LILRB4: variants seen among roughly 807,000 people sequenced by gnomAD.
The protein encoded by LILRB4 is leukocyte immunoglobulin-like receptor subfamily B member 4.
A neutral mutation model predicts 55.2 loss-of-function variants in LILRB4; 49 were observed. The ratio of observed to expected loss-of-function variants is 0.89; its 90% CI spans 0.71 to 1.13. The LOEUF (loss-of-function observed/expected upper bound fraction) is 1.13. LILRB4 is among the 50% of genes most tolerant of loss of function. The pLI, the probability that LILRB4 is intolerant of heterozygous loss-of-function variation, is 0.00. For synonymous variants in LILRB4, 229 were observed against 213.8 expected (o/e 1.07, Z -0.62); for missense variants, 590 against 555.2 (o/e 1.06, Z -0.63).
At position 54,666,119 on chromosome 19, in the gene LILRB4, T is replaced by C; in HGVS notation, c.875-121T>C. On this transcript the variant is annotated intron_variant, in intron 7 of 11. Transcript: ENST00000430952. This position sits in a 1 kb window ranked among gnomAD's most constrained non-coding sequence, Gnocchi z 4.8. The stretch of plus-strand genomic sequence containing the variant: ...TTTATTCTTTCGGTTTTTCTAAACT[T>C]AGAAAGTATTTAAAACATCCTTGCA... The C allele has an allele frequency of 7.9e-7, 1 of 1,261,504 alleles. No homozygotes were observed. Among genetic ancestry groups the C allele is most frequent in the South Asian group, 1.5e-5 (1 of 68,280 alleles). The allele number at this position is 1,261,504 out of a possible 1,614,324, so 78.1% of individuals were successfully genotyped here.
intron 4 of LILRB4, 85 bp from the exon 5 acceptor site, chr19:54,664,714 G>T: frequency 8.7e-7 from 1 of 1,151,830 alleles, no homozygotes; most frequent in East Asian, 2.4e-5. Context: ...GGAAGCTGCA[G>T]GGCAGATATA....
rs1568642027 is a variant in LILRB4, at chr19:54,664,492, C to T, written c.655+7C>T. Reference sequence around the variant, plus strand: ...CTGGAGCTCATAGTCTCAGGTGAGGCTCCTGACCCTGTCCTCTCTGAGCTC... The same window carrying T: ...CTGGAGCTCATAGTCTCAGGTGAGGTTCCTGACCCTGTCCTCTCTGAGCTC... On this transcript the variant is annotated splice_region_variant and intron_variant, in intron 4 of 11. Coordinates refer to ENST00000430952, the Ensembl canonical transcript of LILRB4. 1.3e-6 allele frequency: 2 copies of T among 1,590,198 alleles called. No homozygotes were observed. Among genetic ancestry groups the T allele is most frequent in the South Asian group, 1.2e-5 (1 of 85,880 alleles).
At chr19:54,668,284 T>C in exon 12 of LILRB4, 1 of 475,204 alleles carries the variant, frequency 2.1e-6, no homozygotes, top group Non-Finnish European at 3.7e-6. Context: ...TTAAATTGAA[T>C]GATCATGTAA....
rs542077599 is a variant in LILRB4 at position 54,666,940 on chromosome 19, C to T, written c.1041+191C>T. 292 of 742,604 alleles carry T rather than the reference C, an allele frequency of 3.9e-4. No individual in the cohort carries two copies. In the Middle Eastern group the frequency reaches 6.1e-3, roughly 16 times the overall value. 46.0% of individuals were successfully genotyped at this position (742,604 alleles called of 1,614,324 possible). A position where few individuals can be genotyped will look rare whatever the true frequency, so the allele number is the denominator to read the frequency against. Reference sequence around the variant, plus strand: ...TCCTGGGACCTCATGGGCCTCCTCCCGGGTCCCCTTCCTGCTCCTCATCCT... The same window carrying T: ...TCCTGGGACCTCATGGGCCTCCTCCTGGGTCCCCTTCCTGCTCCTCATCCT... On this transcript the variant is annotated intron_variant, in intron 10 of 11. Coordinates refer to ENST00000430952, the Ensembl canonical transcript of LILRB4. This position sits in a 1 kb window ranked among gnomAD's most constrained non-coding sequence, Gnocchi z 4.8.
rs916066441 is a variant in LILRB4, at chr19:54,666,483, C to G, written c.988+47C>G. 5 of 1,604,818 alleles carry G rather than the reference C, an allele frequency of 3.1e-6. No homozygotes were observed. The highest frequency in any genetic ancestry group is 4.3e-6 in the Non-Finnish European group (5 of 1,173,516). ...TGCACCTGGGGTGGAGCTGGGGGTC[C>G]CAAAATTTCAATAGCAATGGGGGCA... On this transcript the variant is annotated intron_variant, in intron 9 of 11. Coordinates refer to ENST00000430952, the Ensembl canonical transcript of LILRB4. The surrounding 1 kb of genome is among the most constrained non-coding windows in gnomAD (Gnocchi z 4.8).
Position 54,666,371 on chromosome 19 carries a change from C to G in LILRB4, c.951-28C>G. 1 of 1,613,098 alleles carries G rather than the reference C, an allele frequency of 6.2e-7. No individual in the cohort carries two copies. The highest frequency in any genetic ancestry group is 8.5e-7 in the Non-Finnish European group (1 of 1,179,398). ...CCCATCCCAACAGCCACCTCACTGT[C>G]CCCTTACACTCCCGTATCCTCCCCC... On this transcript the variant is annotated intron_variant, in intron 8 of 11. Coordinates refer to ENST00000430952, the Ensembl canonical transcript of LILRB4. This position sits in a 1 kb window ranked among gnomAD's most constrained non-coding sequence, Gnocchi z 4.8.
At chr19:54,664,064 C>A (rs754124445) in intron 3 of LILRB4, 26 bp downstream of exon 3, 7 of 1,610,028 alleles carry the variant, frequency 4.3e-6, no homozygotes, top group Non-Finnish European at 5.1e-6. Context: ...GGGGTCCCAG[C>A]CCCAGGCTCT....
intron 10 of LILRB4, chr19:54,667,252 T>G (rs556292867): frequency 1.6e-5 from 9 of 573,002 alleles, no homozygotes; most frequent in East Asian, 4.0e-5. Flanking sequence ...GGGCAGAGAG[T>G]GTGGGGCAGT....
rs754429772 is a variant in LILRB4 at position 54,666,729 on chromosome 19, G to C, written c.1021G>C (p.Gly341Arg). ...CGTGAAGAACACACAGCCTGAGGAC[G>C]GGGTGGAAATGGACACTCGGGTGAG... Residue 341 changes from glycine (G) to arginine (R), a missense_variant, in exon 10 of 12, where the codon GGG (glycine) becomes CGG (arginine). Gly to Arg is a moderately radical substitution (Grantham distance 125). Transcript: ENST00000430952. The surrounding 1 kb of genome is among the most constrained non-coding windows in gnomAD (Gnocchi z 4.8). The C allele has an allele frequency of 4.4e-5, 71 of 1,614,066 alleles. No individual in the cohort carries two copies. Among genetic ancestry groups the C allele is most frequent in the Non-Finnish European group, 5.4e-5 (64 of 1,180,024 alleles).
rs999321065 is a variant in LILRB4, at chr19:54,666,178, G to A, written c.875-62G>A. On this transcript the variant is annotated intron_variant, in intron 7 of 11. Transcript: ENST00000430952. This position sits in a 1 kb window ranked among gnomAD's most constrained non-coding sequence, Gnocchi z 4.8. The stretch of plus-strand genomic sequence containing the variant: ...TTCAGGTTTCCTTTCCTCTTGACTT[G>A]CATGTGCAAGGCAGGTGGTTCTAAC... The A allele has an allele frequency of 6.8e-7, 1 of 1,462,430 alleles. No homozygotes were observed. Among genetic ancestry groups the A allele is most frequent in the Admixed American group, 2.2e-5 (1 of 44,858 alleles). 90.6% of individuals were successfully genotyped at this position (1,462,430 alleles called of 1,614,324 possible). A position where few individuals can be genotyped will look rare whatever the true frequency, so the allele number is the denominator to read the frequency against.
chr19:54,665,456 A>G lies in LILRB4; in HGVS notation c.757+276A>G, dbSNP rs927918422. Among the ~76,000 whole-genome samples, 1 of 151,620 alleles carries G rather than the reference A, an allele frequency of 6.6e-6. No individual in the cohort carries two copies. On this transcript the variant is annotated intron_variant, in intron 6 of 11. Coordinates refer to ENST00000430952, the Ensembl canonical transcript of LILRB4. The surrounding 1 kb of genome is among the most constrained non-coding windows in gnomAD (Gnocchi z 5.5). ...CTGTCCGGTCCCACCTGCAGCAGAG[A>G]CGGTGACCTGGGGCAGGGGAGGGGA...
Position 54,666,730 on chromosome 19 carries a change from G to A in LILRB4, c.1022G>A (p.Gly341Glu). The change falls in exon 10 of 12, where the codon GGG becomes GAG. Residue 341 changes from glycine (G) to glutamate (E), a missense_variant. By Grantham distance (98) the Gly-to-Glu change is moderately conservative. Coordinates refer to ENST00000430952, the Ensembl canonical transcript of LILRB4. This position sits in a 1 kb window ranked among gnomAD's most constrained non-coding sequence, Gnocchi z 4.8. ...GTGAAGAACACACAGCCTGAGGACGGGGTGGAAATGGACACTCGGGTGAGA... is the reference window on the plus strand; with the variant it reads ...GTGAAGAACACACAGCCTGAGGACGAGGTGGAAATGGACACTCGGGTGAGA... 6.2e-7 allele frequency: 1 copy of A among 1,614,198 alleles called. No individual in the cohort carries two copies. Among genetic ancestry groups the A allele is most frequent in the Non-Finnish European group, 8.5e-7 (1 of 1,180,008 alleles).
chr19:54,664,642 C>G lies in LILRB4; in HGVS notation c.655+157C>G, dbSNP rs533564819. 2.6e-5 allele frequency among the ~76,000 whole-genome samples: 4 copies of G among 152,318 alleles called. No homozygotes were observed. The East Asian group carries it at 5.8e-4, about 22-fold the overall frequency. ...ACAACAGGGGCCCTCCCAGGCATGC[C>G]CATGCTCTTCTCCCTCACCTAGGGT... On this transcript the variant is annotated intron_variant, in intron 4 of 11. Transcript: ENST00000430952.
Position 54,665,829 on chromosome 19 carries a change from T to G in LILRB4, c.772T>G (p.Trp258Gly). 1 of 1,609,864 alleles carries G rather than the reference T, an allele frequency of 6.2e-7. No homozygotes were observed. Among genetic ancestry groups the G allele is most frequent in the African/African-American group, 1.3e-5 (1 of 74,830 alleles). The change falls in exon 7 of 12, where the codon TGG (tryptophan) becomes GGG (glycine). Residue 258 changes from tryptophan to glycine, a missense_variant. By Grantham distance (184) the Trp-to-Gly change is radical (BLOSUM62 -2). Transcript: ENST00000430952. This position sits in a 1 kb window ranked among gnomAD's most constrained non-coding sequence, Gnocchi z 5.5. Reference sequence around the variant, plus strand: ...TCACGCCCAAGGTCTGAGAAGGCACTGGGAGGTACTGATCGGGGTCTTGGT... The same window carrying G: ...TCACGCCCAAGGTCTGAGAAGGCACGGGGAGGTACTGATCGGGGTCTTGGT...
exon 12 of LILRB4, chr19:54,668,028 G>A (rs536594131): frequency 6.2e-7 from 1 of 1,613,952 alleles, no homozygotes; most frequent in East Asian, 2.2e-5. Context: ...AATCCAGGGG[G>A]GACCCAGACC....
rs375948568 is a variant in LILRB4 at position 54,666,281 on chromosome 19, G to C, written c.916G>C (p.Glu306Gln). Reference sequence around the variant, plus strand: ...TTTCCAACGTCCTCCAGGGGCTGCCGAGCCAGAGCCCAAGGACGGGGGCCT... The same window carrying C: ...TTTCCAACGTCCTCCAGGGGCTGCCCAGCCAGAGCCCAAGGACGGGGGCCT... Residue 306 changes from glutamate to glutamine, a missense_variant, in exon 8 of 12, where the codon GAG (glutamate) becomes CAG (glutamine). By Grantham distance (29) the Glu-to-Gln change is conservative (BLOSUM62 2). Coordinates refer to ENST00000430952, the Ensembl canonical transcript of LILRB4. The surrounding 1 kb of genome is among the most constrained non-coding windows in gnomAD (Gnocchi z 4.8). The C allele has an allele frequency of 2.5e-6, 4 of 1,609,604 alleles. No homozygotes were observed. Among genetic ancestry groups the C allele is most frequent in the East Asian group, 2.2e-5 (1 of 44,818 alleles).
In LILRB4 at chr19:54,667,379, C is replaced by G. The variant is rs973899760; in HGVS notation, c.1042-259C>G. ...AGCCCCTGCAGGCAGAGGAAACAGC[C>G]GTGCAAAGGCCCCGAGGCAGCAGCG... On this transcript the variant is annotated intron_variant, in intron 10 of 11. Transcript: ENST00000430952. 8 of 692,470 alleles carry G rather than the reference C, an allele frequency of 1.2e-5. No individual in the cohort carries two copies. In the Middle Eastern group the frequency reaches 1.2e-3, roughly 106 times the overall value. The allele number at this position is 692,470 out of a possible 1,614,324, so 42.9% of individuals were successfully genotyped here.
At position 54,663,827 on chromosome 19, in the gene LILRB4, G is replaced by A; in HGVS notation, c.144G>A (p.Trp48Ter). ...GCTGGGGGAACTCTGTGACCATCTG[G>A]TGTCAGGGGACCCTGGAGGCTCGGG... Residue 48 changes from tryptophan (W) to a stop codon, truncating the protein, a stop_gained, in exon 3 of 12, where the codon TGG becomes TGA. Transcript: ENST00000430952. LOFTEE classifies it high-confidence loss of function. 3.1e-6 allele frequency: 5 copies of A among 1,614,184 alleles called. No homozygotes were observed. Among genetic ancestry groups the A allele is most frequent in the Non-Finnish European group, 4.2e-6 (5 of 1,180,022 alleles).
rs1446835488 is a variant in LILRB4, at chr19:54,665,977, C to A, written c.874+46C>A. 5.6e-6 allele frequency: 9 copies of A among 1,611,936 alleles called. No homozygotes were observed. Among genetic ancestry groups the A allele is most frequent in the Non-Finnish European group, 7.6e-6 (9 of 1,178,732 alleles). Reference sequence around the variant, plus strand: ...CCCGTGGGCTGATGGAGGGTGGGCTCAGGGCACCAGCCAAAGGGACTCCAG... The same window carrying A: ...CCCGTGGGCTGATGGAGGGTGGGCTAAGGGCACCAGCCAAAGGGACTCCAG... On this transcript the variant is annotated intron_variant, in intron 7 of 11. Transcript: ENST00000430952. This position sits in a 1 kb window ranked among gnomAD's most constrained non-coding sequence, Gnocchi z 5.5.
Sources: allele counts gnomAD v4.1 joint callset (sites outside exome capture counted in the v4.1 genomes callset), GRCh38; gene constraint gnomAD v4.1.1; non-coding constraint Gnocchi (gnomAD v3.1); transcripts MANE v1.5; gene names NCBI Gene and HGNC (gene_info 2026-07-23, HGNC 2026-07-21).